CNPY1: variants seen among roughly 807,000 people sequenced by gnomAD.
The protein encoded by CNPY1 is canopy FGF signaling regulator 1.
CNPY1 carries 14 observed loss-of-function variants against 14.4 expected under a neutral mutation model. The ratio of observed to expected loss-of-function variants is 0.97; its 90% CI spans 0.64 to 1.52. CNPY1 has a LOEUF of 1.52. Ranked by LOEUF, CNPY1 falls within the 40% of genes most tolerant of loss-of-function variation. CNPY1 has a pLI of 0.00. For missense variants in CNPY1, 129 were observed against 131.5 expected (o/e 0.98, Z 0.09); for synonymous variants, 43 against 46.5 (o/e 0.92, Z 0.31).
rs1226726980 is a variant in CNPY1 at position 155,546,453 on chromosome 7, T to C, written c.-39A>G. On this transcript the variant is annotated 5_prime_UTR_variant, in exon 1 of 5. Coordinates refer to ENST00000636446, the MANE Select transcript of CNPY1 (RefSeq NM_001393663.1). ...CCTTGGCCTCCTGAATTGCTGGGAT[T>C]ACAAGTATCAGCCACCATGTGCAGC... is the stretch of plus-strand genomic sequence containing the variant. 5 of 398,342 alleles carry C rather than the reference T, an allele frequency of 1.3e-5. No homozygotes were observed. Among genetic ancestry groups the C allele is most frequent in the Non-Finnish European group, 4.4e-6 (1 of 226,044 alleles). The allele number at this position is 398,342 out of a possible 1,614,324, so 24.7% of individuals were successfully genotyped here.
intron 2 of CNPY1, among the ~76,000 whole-genome samples, chr7:155,530,360 C>T (rs1303862023): frequency 7.3e-5 from 9 of 122,978 alleles, no homozygotes; most frequent in Middle Eastern, 0.015. Context: ...AGTATAGTGG[C>T]GCAGTTATAG....
intron 2 of CNPY1, among the ~76,000 whole-genome samples, chr7:155,539,464 C>T (rs1797059832): frequency 6.6e-6 from 1 of 152,214 alleles, no homozygotes; most frequent in Admixed American, 6.5e-5. Context: ...ACTGAATCCC[C>T]CTGCACCTCC....
chr7:155,503,591 G>C (rs1288865378), intron 4 of CNPY1, among the ~76,000 whole-genome samples: 2 of 152,106 alleles, frequency 1.3e-5, no homozygotes, highest in African/African-American at 4.8e-5. Context: ...AAATATGCTA[G>C]CCTTTGAAAG....
chr7:155,506,996 C>T (rs1256093447), intron 4 of CNPY1, 24 bp downstream of exon 4: 2 of 1,462,518 alleles, frequency 1.4e-6, no homozygotes, highest in Non-Finnish European at 1.9e-6. Context: ...GAGCAGCGAG[C>T]ACATGTTACA....
intron 3 of CNPY1, among the ~76,000 whole-genome samples, chr7:155,507,374 T>C (rs1437103120): frequency 6.7e-6 from 1 of 148,960 alleles, no homozygotes; most frequent in African/African-American, 2.5e-5. Flanking sequence ...GGAAGGAACA[T>C]CTCTTTGCAT....
intron 2 of CNPY1, among the ~76,000 whole-genome samples, chr7:155,519,033 A>G (rs1796670909): frequency 1.3e-5 from 2 of 152,234 alleles, no homozygotes; most frequent in Admixed American, 1.3e-4. Flanking sequence ...TTTTTGTCTA[A>G]GAAATACCAA....
intron 4 of CNPY1, among the ~76,000 whole-genome samples, chr7:155,504,210 T>C (rs1320408513): frequency 1.3e-5 from 2 of 152,222 alleles, no homozygotes; most frequent in African/African-American, 4.8e-5. Context: ...AGCCACAGAT[T>C]CATTTGTAAT....
At chr7:155,509,541 A>G (rs1276817452) in intron 2 of CNPY1, among the ~76,000 whole-genome samples, 1 of 151,444 alleles carries the variant, frequency 6.6e-6, no homozygotes, top group Non-Finnish European at 1.5e-5. Flanking sequence ...AGGGAGGGAG[A>G]GAGAGCGAGA....
intron 2 of CNPY1, among the ~76,000 whole-genome samples, chr7:155,524,083 C>T (rs905883642): frequency 5.3e-5 from 8 of 152,192 alleles, no homozygotes; most frequent in Non-Finnish European, 1.5e-5. Context: ...GCCTTTGCCC[C>T]ACGAGGGAAT....
chr7:155,526,119 C>A lies in CNPY1; in HGVS notation c.100-17022G>T, dbSNP rs187435726. Among the ~76,000 whole-genome samples, 356 of 152,278 alleles carry A rather than the reference C, an allele frequency of 2.3e-3. 4 individuals are homozygous for A. The highest frequency in any genetic ancestry group is 5.0e-4 in the Non-Finnish European group (34 of 68,022). ...TAACAAATATCCTAAAAAATGCTATCAAAATACTTTTGATGTTCAGAAGGT... is the reference window on the plus strand; with the variant it reads ...TAACAAATATCCTAAAAAATGCTATAAAAATACTTTTGATGTTCAGAAGGT... On this transcript the variant is annotated intron_variant, in intron 2 of 4. Coordinates refer to ENST00000636446, the MANE Select transcript of CNPY1 (RefSeq NM_001393663.1).
intron 2 of CNPY1, among the ~76,000 whole-genome samples, chr7:155,539,940 G>A: frequency 6.6e-6 from 1 of 152,122 alleles, no homozygotes; most frequent in East Asian, 1.9e-4. Flanking sequence ...GGAAGGTGAG[G>A]GGTAGAACTG....
chr7:155,532,471 A>C (rs983702867), intron 2 of CNPY1, among the ~76,000 whole-genome samples: 1 of 150,880 alleles, frequency 6.6e-6, no homozygotes, highest in Non-Finnish European at 1.5e-5. Flanking sequence ...AATACAAAAA[A>C]TTAGCCGGGC....
At chr7:155,507,422 G>A (rs1225694698) in intron 3 of CNPY1, among the ~76,000 whole-genome samples, 2 of 113,738 alleles carry the variant, frequency 1.8e-5, no homozygotes. Flanking sequence ...GTCATAGGAA[G>A]AAATGGACCT....
intron 2 of CNPY1, among the ~76,000 whole-genome samples, chr7:155,527,098 C>T (rs1424900231): frequency 9.1e-5 from 9 of 98,848 alleles, no homozygotes; most frequent in African/African-American, 3.5e-4. Flanking sequence ...GTTGCCCAGG[C>T]TGGAGGGCAT....
intron 2 of CNPY1, among the ~76,000 whole-genome samples, chr7:155,543,669 G>A (rs1021457835): frequency 6.6e-6 from 1 of 152,202 alleles, no homozygotes; most frequent in Non-Finnish European, 1.5e-5. Context: ...CCCACCGCCA[G>A]GCCATGCTGT....
At chr7:155,509,399 C>T (rs1461808603) in intron 2 of CNPY1, among the ~76,000 whole-genome samples, 2 of 152,126 alleles carry the variant, frequency 1.3e-5, no homozygotes, top group Non-Finnish European at 2.9e-5. Flanking sequence ...GTTTAGAAAT[C>T]ACTGAGCATG....
In CNPY1 at chr7:155,542,309, G is replaced by A. The variant is rs541976054; in HGVS notation, c.99+3522C>T. On this transcript the variant is annotated intron_variant, in intron 2 of 4. Coordinates refer to ENST00000636446, the MANE Select transcript of CNPY1 (RefSeq NM_001393663.1). ...CCTGCCAGCTGCTCCCCGGACCTAC[G>A]GGTCTGGGAGTCACCAGGCTCCAAG... 7.9e-5 allele frequency among the ~76,000 whole-genome samples: 12 copies of A among 151,658 alleles called. No homozygotes were observed. In the South Asian group the frequency reaches 1.2e-3, roughly 16 times the overall value.
chr7:155,534,560 G>T (rs1251850934), intron 2 of CNPY1, among the ~76,000 whole-genome samples: 3 of 152,236 alleles, frequency 2.0e-5, no homozygotes, highest in Non-Finnish European at 4.4e-5. Context: ...CGGGAAGGCG[G>T]ATCAGCTGCA....
chr7:155,540,085 C>A (rs1797066888), intron 2 of CNPY1, among the ~76,000 whole-genome samples: 1 of 152,172 alleles, frequency 6.6e-6, no homozygotes, highest in South Asian at 2.1e-4. Context: ...GTGGCTAAAT[C>A]TTTCCTGGTT....
Sources: gnomAD v4.1 joint callset for allele counts (sites outside exome capture counted in the v4.1 genomes callset) on GRCh38, gnomAD v4.1.1 for gene constraint, MANE v1.5 for transcripts, NCBI Gene and HGNC (gene_info 2026-07-23, HGNC 2026-07-21) for gene names.